The following RYR2 variants were observed in gnomAD, a reference collection of about 807,000 sequenced individuals.
RYR2 encodes the protein cardiac muscle ryanodine receptor-calcium release channel.
Under a neutral mutation model 601.1 loss-of-function variants are expected in RYR2, and 227 were observed. That is an observed-to-expected ratio of 0.38 (90% CI 0.34 to 0.42). The LOEUF is 0.42. RYR2 is among the 10% of genes least tolerant of loss of function. The pLI is 1.00. For missense variants in RYR2, 4,646 were observed against 6,156.5 expected, an observed-to-expected ratio of 0.75 and a Z score of 8.21; for synonymous variants, 2,223 against 2,175.1, an observed-to-expected ratio of 1.02 and a Z score of -0.61.
rs769461179 is a variant in RYR2 at position 237,717,358 on chromosome 1, G to T, written c.10484G>T (p.Arg3495Leu). The T allele has an allele frequency of 1.9e-6, 3 of 1,603,042 alleles. No homozygotes were observed. Among genetic ancestry groups the T allele is most frequent in the Admixed American group, 3.4e-5 (2 of 58,874 alleles). The change falls in exon 72 of 105, where the codon CGA becomes CTA. Residue 3495 changes from arginine (R) to leucine (L), a missense_variant. This residue lies in a region of RYR2 where 1,497 missense variants were observed against 1,842.6 expected (regional missense o/e 0.81). Transcript: ENST00000366574. ...DQELIALAKN[R>L]FSLKDTEDEV... ...GAGCTCATTGCTCTGGCCAAAAATCGATTTAGCCTGGTAAGTCTCCTTTTC... is the reference window on the plus strand; with the variant it reads ...GAGCTCATTGCTCTGGCCAAAAATCTATTTAGCCTGGTAAGTCTCCTTTTC...
At position 237,331,588 on chromosome 1, in the gene RYR2, T is replaced by C. The variant is rs527846923; in HGVS notation, c.273+606T>C. ...CGCGATCTCAGCTCACTGCAAGCTCTGCCTCCCGGGTTCATGCCATTCTCC... is the reference window on the plus strand; with the variant it reads ...CGCGATCTCAGCTCACTGCAAGCTCCGCCTCCCGGGTTCATGCCATTCTCC... On this transcript the variant is annotated intron_variant, in intron 3 of 104. Coordinates refer to ENST00000366574, the MANE Select transcript of RYR2 (RefSeq NM_001035.3). Among the ~76,000 whole-genome samples, 294 of 152,022 alleles carry C rather than the reference T, an allele frequency of 1.9e-3. 1 individual carries two copies. Among genetic ancestry groups the C allele is most frequent in the Non-Finnish European group, 2.9e-3 (196 of 67,988 alleles).
chr1:237,700,294 C>G lies in RYR2; in HGVS notation c.9194C>G (p.Ala3065Gly). The change falls in exon 65 of 105, where the codon GCA becomes GGA. Residue 3065 changes from alanine to glycine, a missense_variant. Ala to Gly is a moderately conservative substitution (Grantham distance 60). Around this residue, in one of 17 missense-constraint regions of RYR2, gnomAD observed 1,497 missense variants for 1,842.6 expected, o/e 0.81. Transcript: ENST00000366574. ...SALRAFLDNA[A>G]EDLEKTMENL... The stretch of plus-strand genomic sequence containing the variant: ...CTCAGAGCTTTTCTGGACAACGCTG[C>G]AGAGGATCTGGAGAAGACCATGGAA... 3.1e-6 allele frequency: 5 copies of G among 1,591,714 alleles called. No homozygotes were observed. Among genetic ancestry groups the G allele is most frequent in the Non-Finnish European group, 4.3e-6 (5 of 1,168,208 alleles).
Sources: gnomAD v4.1 joint callset for allele counts (sites outside exome capture counted in the v4.1 genomes callset) on GRCh38, gnomAD v4.1.1 for gene constraint, gnomAD v4.1.1 regional missense constraint, MANE v1.5 for transcripts, NCBI Gene and HGNC (gene_info 2026-07-23, HGNC 2026-07-21) for gene names.